The following FRY variants were observed in gnomAD, a reference collection of about 807,000 sequenced individuals.
FRY encodes the protein FRY microtubule binding protein.
FRY carries 128 observed loss-of-function variants against 348.4 expected under a neutral mutation model. That is an observed-to-expected ratio of 0.37 (90% CI 0.32 to 0.43). The LOEUF is 0.43. FRY is among the 20% of genes least tolerant of loss of function. The pLI, the probability that FRY is intolerant of heterozygous loss-of-function variation, is 1.00. For synonymous variants in FRY, 1,370 were observed against 1,374.7 expected, an observed-to-expected ratio of 1.00 and a Z score of 0.08; for missense variants, 2,736 against 3,695.2, an observed-to-expected ratio of 0.74 and a Z score of 6.73.
At chr13:32,280,378 A>G (rs1056251949) in intron 58 of FRY, among the ~76,000 whole-genome samples, 13 of 152,218 alleles carry the variant, frequency 8.5e-5, no homozygotes, top group Non-Finnish European at 1.6e-4. Context: ...CCTGTCTCAG[A>G]TGATTTGTGA....
At position 32,124,909 on chromosome 13, in the gene FRY, C is replaced by T. The variant is rs180695220; in HGVS notation, c.716+34C>T. 8.1e-5 allele frequency: 118 copies of T among 1,458,146 alleles called. No homozygotes were observed. The African/African-American group carries it at 1.5e-3, about 18-fold the overall frequency. 90.3% of individuals were successfully genotyped at this position (1,458,146 alleles called of 1,614,324 possible). A position where few individuals can be genotyped will look rare whatever the true frequency, so the allele number is the denominator to read the frequency against. ...ATGCCAGAACCCTTTACCATGAGAA[C>T]GTGCGTGCTTTCACTGTCCTTCCAG... On this transcript the variant is annotated intron_variant, in intron 7 of 60. Transcript: ENST00000542859.
At chr13:32,292,256 T>C (rs1388557587) in intron 59 of FRY, among the ~76,000 whole-genome samples, 1 of 151,998 alleles carries the variant, frequency 6.6e-6, no homozygotes, top group Non-Finnish European at 1.5e-5. Context: ...GTGCTGGGAT[T>C]ACAGGCATGA....
intron 2 of FRY, among the ~76,000 whole-genome samples, chr13:32,088,476 T>C (rs182987053): frequency 6.6e-6 from 1 of 152,366 alleles, no homozygotes. Context: ...AAATTCACCC[T>C]AACCCAGAAA....
intron 29 of FRY, among the ~76,000 whole-genome samples, chr13:32,195,863 A>G (rs903214421): frequency 3.9e-5 from 6 of 152,216 alleles, no homozygotes; most frequent in Non-Finnish European, 8.8e-5. Flanking sequence ...GGCAGAGGGC[A>G]GGAGAATACA....
rs1331956765 is a variant in FRY at position 32,276,467 on chromosome 13, C to T, written c.8290C>T (p.Leu2764Phe). 3 of 1,558,352 alleles carry T rather than the reference C, an allele frequency of 1.9e-6. No homozygotes were observed. Among genetic ancestry groups the T allele is most frequent in the Admixed American group, 1.7e-5 (1 of 59,950 alleles). ...PTLFVDAETL[L>F]SCGLLDKLKF... ...CCAATTATTTTCCTGTCTTTAGCTC[C>T]TTTCATGTGGACTTCTGGACAAGCT... The change falls in exon 57 of 61, where the codon CTT becomes TTT. Residue 2764 changes from leucine to phenylalanine, a missense_variant. This residue lies in a region of FRY where 789 missense variants were observed against 996.2 expected (regional missense o/e 0.79). Transcript: ENST00000542859.
chr13:32,043,552 C>T (rs891723226), intron 1 of FRY, among the ~76,000 whole-genome samples: 1 of 152,174 alleles, frequency 6.6e-6, no homozygotes, highest in Admixed American at 6.5e-5. Context: ...CCAACCTAGA[C>T]TCTAGGATAA....
At chr13:32,207,034 A>T (rs1884392175) in intron 31 of FRY, among the ~76,000 whole-genome samples, 2 of 152,064 alleles carry the variant, frequency 1.3e-5, no homozygotes, top group Non-Finnish European at 2.9e-5. Flanking sequence ...ACTACCCTTG[A>T]CTGTCCAGGA....
rs1388622172 is a variant in FRY at position 32,130,237 on chromosome 13, C to T, written c.717-1435C>T. 3.9e-5 allele frequency among the ~76,000 whole-genome samples: 6 copies of T among 152,108 alleles called. No individual in the cohort carries two copies. The East Asian group carries it at 1.2e-3, about 29-fold the overall frequency. ...TGTGTTTTTGGTAGAGACCGGGTTTCACCATGTTGGTCAGGCTGGTCTCGA... is the reference window on the plus strand; with the variant it reads ...TGTGTTTTTGGTAGAGACCGGGTTTTACCATGTTGGTCAGGCTGGTCTCGA... On this transcript the variant is annotated intron_variant, in intron 7 of 60. Coordinates refer to ENST00000542859, the MANE Select transcript of FRY (RefSeq NM_023037.3).
intron 49 of FRY, 140 bp downstream of exon 49, chr13:32,249,827 G>A: frequency 4.1e-6 from 3 of 736,172 alleles, no homozygotes; most frequent in Non-Finnish European, 7.2e-6. Flanking sequence ...GGGGTCTTGT[G>A]GCATTCCAAG....
chr13:32,060,113 A>G (rs1873857798), intron 1 of FRY, among the ~76,000 whole-genome samples: 1 of 152,236 alleles, frequency 6.6e-6, no homozygotes, highest in Non-Finnish European at 1.5e-5. Context: ...GTAAATCAAG[A>G]ATAGAAAATT....
chr13:32,070,087 C>A (rs1874537888), intron 1 of FRY, among the ~76,000 whole-genome samples: 1 of 152,112 alleles, frequency 6.6e-6, no homozygotes, highest in Non-Finnish European at 1.5e-5. Context: ...TGTATATGTG[C>A]CACATTTTCT....
In FRY at chr13:32,225,964, T is replaced by C. The variant is rs769012803; in HGVS notation, c.5196T>C (p.Tyr1732=). ...LTVQPAYQPE[Y]LYTGGFDFLR... ...TGCAGCCAGCCTACCAACCTGAATA[T>C]CTCTATACAGGTAACAGAGAAGGAC... The change falls in exon 39 of 61, where the codon TAT becomes TAC. Residue 1732 remains tyrosine (Y), a synonymous_variant. Transcript: ENST00000542859. The C allele has an allele frequency of 3.1e-6, 5 of 1,612,658 alleles. No homozygotes were observed. The Admixed American group carries it at 8.3e-5, about 27-fold the overall frequency.
At chr13:32,053,673 G>A (rs1011779720) in intron 1 of FRY, among the ~76,000 whole-genome samples, 2 of 152,232 alleles carry the variant, frequency 1.3e-5, no homozygotes, top group Non-Finnish European at 2.9e-5. Context: ...GGACACTTAA[G>A]AGTCTTCCCT....
intron 16 of FRY, among the ~76,000 whole-genome samples, chr13:32,158,979 G>C (rs761726892): frequency 8.8e-6 from 1 of 113,116 alleles, no homozygotes; most frequent in African/African-American, 3.5e-5. Context: ...AAAAAAAAGA[G>C]CTTTAAAGGA....
chr13:32,179,570 A>T, intron 22 of FRY, 105 bp from the exon 23 acceptor site: 1 of 1,008,942 alleles, frequency 9.9e-7, no homozygotes, highest in South Asian at 1.3e-5. Flanking sequence ...GTGCCTTGGG[A>T]TATGGTTCAG....
At chr13:32,116,803 T>A (rs1029581517) in intron 3 of FRY, among the ~76,000 whole-genome samples, 1 of 152,104 alleles carries the variant, frequency 6.6e-6, no homozygotes. Context: ...GGGGGTAAAT[T>A]ATTGCTGCCC....
intron 58 of FRY, among the ~76,000 whole-genome samples, chr13:32,289,009 T>TTG (rs1480411843): frequency 6.6e-6 from 1 of 152,264 alleles, no homozygotes; most frequent in Admixed American, 6.5e-5. Context: ...GGTATTTATG[T>TTG]GGCTCAAGGG....
At chr13:32,171,644 G>A (rs1288593626) in intron 18 of FRY, among the ~76,000 whole-genome samples, 1 of 152,090 alleles carries the variant, frequency 6.6e-6, no homozygotes, top group Non-Finnish European at 1.5e-5. Context: ...ATATGTGAAT[G>A]AGTGGCAGTC....
chr13:32,297,093 T>C lies in FRY; in HGVS notation c.*1633T>C, dbSNP rs1006624447. The C allele has an allele frequency of 5.3e-5, 8 of 152,186 alleles. No individual in the cohort carries two copies. Among genetic ancestry groups the C allele is most frequent in the African/African-American group, 1.7e-4 (7 of 41,434 alleles). 9.4% of individuals were successfully genotyped at this position (152,186 alleles called of 1,614,324 possible). ...CATATTTTACATGGACCAACAAATA[T>C]AGCTTGCTTTACTAGCATATGGCTA... On this transcript the variant is annotated 3_prime_UTR_variant, in exon 61 of 61. Coordinates refer to ENST00000542859, the MANE Select transcript of FRY (RefSeq NM_023037.3).
Sources: allele counts gnomAD v4.1 joint callset (sites outside exome capture counted in the v4.1 genomes callset), GRCh38; gene constraint gnomAD v4.1.1; regional missense constraint gnomAD v4.1.1; transcripts MANE v1.5; gene names NCBI Gene and HGNC (gene_info 2026-07-23, HGNC 2026-07-21).